The following TMEM200C variants were observed in gnomAD, a reference collection of about 807,000 sequenced individuals.
TMEM200C encodes transmembrane protein 200C.
For synonymous variants in TMEM200C, 462 were observed against 324.7 expected, an observed-to-expected ratio of 1.42 and a Z score of -4.55; for missense variants, 966 against 699.9, an observed-to-expected ratio of 1.38 and a Z score of -4.29.
At chr18:5,890,343 G>A in exon 3 of TMEM200C, 4 of 1,603,712 alleles carry the variant, frequency 2.5e-6, no homozygotes, top group South Asian at 1.1e-5. Flanking sequence ...ACCCTCCGGC[G>A]AGCTCTGCTC....
chr18:5,889,320 G>A (rs2095167774), exon 3 of TMEM200C: 1 of 152,198 alleles, frequency 6.6e-6, no homozygotes, highest in African/African-American at 2.4e-5. Flanking sequence ...TACTTTGGGG[G>A]AAGATCACAA....
chr18:5,886,120 G>A (rs1382986655), exon 3 of TMEM200C: 1 of 151,744 alleles, frequency 6.6e-6, no homozygotes, highest in Non-Finnish European at 1.5e-5. Flanking sequence ...TGTGTCAGAG[G>A]GTTTTTCTTA....
chr18:5,890,375 CA>C lies in TMEM200C; in HGVS notation c.1688del (p.Val563GlyfsTer41). 1 of 1,588,780 alleles carries C rather than the reference CA, an allele frequency of 6.3e-7. No homozygotes were observed. Among genetic ancestry groups the C allele is most frequent in the Non-Finnish European group, 8.6e-7 (1 of 1,164,048 alleles). Reference sequence around the variant, plus strand: ...GCTCCGCACCCAGAACGGGGGCGGCCACAGCAGAGTCTCGCGTTTGACCAGC... The same window carrying C: ...GCTCCGCACCCAGAACGGGGGCGGCCCAGCAGAGTCTCGCGTTTGACCAGC... On this transcript the variant is annotated frameshift_variant, in exon 3 of 3. Coordinates refer to ENST00000581347, the Ensembl canonical transcript of TMEM200C. LOFTEE classifies it low-confidence loss of function (END_TRUNC).
intron 2 of TMEM200C, 86 bp from the exon 2 acceptor site, chr18:5,892,243 C>T: frequency 1.5e-6 from 1 of 647,990 alleles, no homozygotes. Context: ...CCAGATCCCA[C>T]TCCGTGTGTG....
exon 3 of TMEM200C, chr18:5,883,182 GA>G (rs1302773435): frequency 6.6e-6 from 1 of 152,016 alleles, no homozygotes; most frequent in Admixed American, 6.6e-5. Flanking sequence ...TCATGGATTA[GA>G]AAACACATTT....
rs534523132 is a variant in TMEM200C at position 5,883,034 on chromosome 18, C to T, written c.*7164G>A. Reference sequence around the variant, plus strand: ...TTAACCACAGCACTTTATCTACCAGCATTTCCAATTTTTAATCTTCTTACC... The same window carrying T: ...TTAACCACAGCACTTTATCTACCAGTATTTCCAATTTTTAATCTTCTTACC... On this transcript the variant is annotated 3_prime_UTR_variant, in exon 3 of 3. Transcript: ENST00000581347. The T allele has an allele frequency of 2.3e-5, 3 of 130,406 alleles. No homozygotes were observed. In the South Asian group the frequency reaches 6.6e-4, roughly 29 times the overall value. The allele number at this position is 130,406 out of a possible 1,614,324, so 8.1% of individuals were successfully genotyped here.
chr18:5,896,145 G>C (rs2095176068), upstream of TMEM200C, among the ~76,000 whole-genome samples: 2 of 152,142 alleles, frequency 1.3e-5, no homozygotes, highest in South Asian at 4.1e-4. Flanking sequence ...CCGCCGGGAC[G>C]GGCGCACCGC....
chr18:5,890,722 C>T (rs2095169659), exon 3 of TMEM200C: 1 of 527,606 alleles, frequency 1.9e-6, no homozygotes, highest in East Asian at 3.5e-5. Flanking sequence ...GCGGCGCGCG[C>T]CGCTACCGCG....
exon 3 of TMEM200C, chr18:5,890,236 T>C (rs747819880): frequency 4.4e-6 from 7 of 1,579,402 alleles, no homozygotes; most frequent in Admixed American, 3.5e-5. Flanking sequence ...TCTACCCCTA[T>C]GGCATGAGAC....
chr18:5,892,105 C>T, exon 3 of TMEM200C: 1 of 1,568,564 alleles, frequency 6.4e-7, no homozygotes. Flanking sequence ...GGGATGGAGG[C>T]TTGCACAGGG....
At chr18:5,882,339 T>C (rs143275900) in exon 3 of TMEM200C, 95 of 152,298 alleles carry the variant, frequency 6.2e-4, no homozygotes, top group African/African-American at 2.3e-3. Context: ...AAGTGTTGCA[T>C]TTAATTGCCA....
At chr18:5,883,217 T>C (rs780913622) in exon 3 of TMEM200C, 3 of 152,150 alleles carry the variant, frequency 2.0e-5, no homozygotes, top group Non-Finnish European at 2.9e-5. Context: ...TGACTGTGTT[T>C]ATGCACTAAA....
Position 5,891,338 on chromosome 18 carries a change from G to C in TMEM200C, c.726C>G (p.Pro242=). The C allele has an allele frequency of 7.5e-7, 1 of 1,333,758 alleles. No homozygotes were observed. 82.6% of individuals were successfully genotyped at this position (1,333,758 alleles called of 1,614,324 possible). A position where few individuals can be genotyped will look rare whatever the true frequency, so the allele number is the denominator to read the frequency against. Residue 242 remains proline (P), a synonymous_variant, in exon 3 of 3, where the codon CCC becomes CCG. Coordinates refer to ENST00000581347, the Ensembl canonical transcript of TMEM200C. This position sits in a 1 kb window ranked among gnomAD's most constrained non-coding sequence, Gnocchi z 4.7. ...GGAAGCCGTTGAGCGGTATGGCCCCGGGGGGCGCCGCGGCGGGGGCAGACG... is the reference window on the plus strand; with the variant it reads ...GGAAGCCGTTGAGCGGTATGGCCCCCGGGGGCGCCGCGGCGGGGGCAGACG...
At chr18:5,890,619 G>A (rs910661776) in exon 3 of TMEM200C, 25 of 1,002,078 alleles carry the variant, frequency 2.5e-5, no homozygotes, top group Middle Eastern at 3.5e-4. Context: ...CTCGGGGGAC[G>A]GCGGCGCCCG....
At chr18:5,895,601 GCC>G (rs567121689) in intron 1 of TMEM200C, 79 bp from the exon 1 acceptor site, 6 of 112,796 alleles carry the variant, frequency 5.3e-5, no homozygotes, top group African/African-American at 1.9e-4. Flanking sequence ...CTCCTCCGGC[GCC>G]CCCCCCCACG....
At chr18:5,894,713 T>A (rs191502704) in intron 2 of TMEM200C, among the ~76,000 whole-genome samples, 55 of 152,250 alleles carry the variant, frequency 3.6e-4, no homozygotes, top group Non-Finnish European at 6.8e-4. Context: ...CCCCGGCCCC[T>A]CACTGGCAGG....
chr18:5,891,631 A>G lies in TMEM200C; in HGVS notation c.433T>C (p.Ser145Pro), dbSNP rs1490697326. The G allele has an allele frequency of 3.1e-6, 5 of 1,613,610 alleles. No individual in the cohort carries two copies. The highest frequency in any genetic ancestry group is 1.7e-5 in the Admixed American group (1 of 60,008). Residue 145 changes from serine to proline, a missense_variant, in exon 3 of 3, where the codon TCC (serine) becomes CCC (proline). Physicochemically the swap from Ser to Pro is moderately conservative, Grantham distance 74 (BLOSUM62 -1). Coordinates refer to ENST00000581347, the Ensembl canonical transcript of TMEM200C. This position sits in a 1 kb window ranked among gnomAD's most constrained non-coding sequence, Gnocchi z 4.7. ...AAGAAGAAGCCCACGGACGTGGAGGAGGAGGACGGGGAGGCGGCTCGTGCT... is the reference window on the plus strand; with the variant it reads ...AAGAAGAAGCCCACGGACGTGGAGGGGGAGGACGGGGAGGCGGCTCGTGCT...
rs957333986 is a variant in TMEM200C, at chr18:5,891,523, T to C, written c.541A>G (p.Ile181Val). 6.2e-7 allele frequency: 1 copy of C among 1,612,486 alleles called. No homozygotes were observed. The highest frequency in any genetic ancestry group is 8.5e-7 in the Non-Finnish European group (1 of 1,179,470). ...TCGTGGAGGACCGCGTTTGCGCAGA[T>C]GAAGAGGAAGATGCCGATGCCCATG... Residue 181 changes from isoleucine to valine, a missense_variant, in exon 3 of 3, where the codon ATC (isoleucine) becomes GTC (valine). By Grantham distance (29) the Ile-to-Val change is conservative. Coordinates refer to ENST00000581347, the Ensembl canonical transcript of TMEM200C. This position sits in a 1 kb window ranked among gnomAD's most constrained non-coding sequence, Gnocchi z 4.7.
chr18:5,886,879 G>A (rs568557294), exon 3 of TMEM200C: 1 of 152,076 alleles, frequency 6.6e-6, no homozygotes, highest in Non-Finnish European at 1.5e-5. Flanking sequence ...TAAAAAGGAA[G>A]GTCATATGAA....
Sources: allele counts gnomAD v4.1 joint callset (sites outside exome capture counted in the v4.1 genomes callset), GRCh38; gene constraint gnomAD v4.1.1; non-coding constraint Gnocchi (gnomAD v3.1); transcripts MANE v1.5; gene names NCBI Gene and HGNC (gene_info 2026-07-23, HGNC 2026-07-21).